The following MTCH2 variants were observed in gnomAD, a reference collection of about 807,000 sequenced individuals.
MTCH2 encodes the protein mitochondrial carrier homolog 2.
Under a neutral mutation model 50.6 loss-of-function variants are expected in MTCH2, and 25 were observed. That is an observed-to-expected ratio of 0.49 (90% CI 0.36 to 0.69). The LOEUF (loss-of-function observed/expected upper bound fraction) is 0.69. Among genes scored for constraint, MTCH2 ranks in the 30% least tolerant of loss-of-function variants. The pLI, the probability that MTCH2 is intolerant of heterozygous loss-of-function variation, is 0.00. For synonymous variants in MTCH2, 106 were observed against 132.0 expected (o/e 0.80, Z 1.35); for missense variants, 273 against 384.4 (o/e 0.71, Z 2.42).
At chr11:47,629,934 A>G (rs1464028535) in intron 8 of MTCH2, among the ~76,000 whole-genome samples, 1 of 152,052 alleles carries the variant, frequency 6.6e-6, no homozygotes, top group Non-Finnish European at 1.5e-5. Flanking sequence ...AATTTTTCTC[A>G]TTTTATTATC....
At chr11:47,620,659 G>T (rs997538358) in intron 12 of MTCH2, among the ~76,000 whole-genome samples, 1 of 152,048 alleles carries the variant, frequency 6.6e-6, no homozygotes, top group African/African-American at 2.4e-5. Context: ...AAAAAATAAA[G>T]AACCAAATAA....
At position 47,642,388 on chromosome 11, in the gene MTCH2, C is replaced by A; in HGVS notation, c.78G>T (p.Val26=). 6.2e-7 allele frequency: 1 copy of A among 1,607,706 alleles called. No homozygotes were observed. The highest frequency in any genetic ancestry group is 8.5e-7 in the Non-Finnish European group (1 of 1,177,434). ...ILSQPLMYVK[V]LIQVGYEPLP... ...CGGCGACGCCTCATACCTGGATGAG[C>A]ACTTTCACGTACATGAGCGGCTGGG... Residue 26 remains valine (V), a synonymous_variant, in exon 1 of 13, where the codon GTG becomes GTT. Transcript: ENST00000302503.
Position 47,617,749 on chromosome 11 carries a change from T to C in MTCH2, c.*1084A>G, listed in dbSNP as rs1258086709. ...ATTTTATTTTCTCCCAAAGTGATTTTTTTCCTCCTATAAATGTTAACATGC... is the reference window on the plus strand; with the variant it reads ...ATTTTATTTTCTCCCAAAGTGATTTCTTTCCTCCTATAAATGTTAACATGC... On this transcript the variant is annotated 3_prime_UTR_variant, in exon 13 of 13. Coordinates refer to ENST00000302503, the MANE Select transcript of MTCH2 (RefSeq NM_014342.4). 1.3e-5 allele frequency: 2 copies of C among 152,330 alleles called. No individual in the cohort carries two copies. Among genetic ancestry groups the C allele is most frequent in the South Asian group, 2.1e-4 (1 of 4,830 alleles). The allele number at this position is 152,330 out of a possible 1,614,324, so 9.4% of individuals were successfully genotyped here.
At chr11:47,616,180 G>A (rs975432595), downstream of MTCH2, among the ~76,000 whole-genome samples, 5 of 151,782 alleles carry the variant, frequency 3.3e-5, no homozygotes, top group African/African-American at 7.3e-5. Context: ...CATGTTGCCC[G>A]GGCTGGTCTT....
intron 3 of MTCH2, among the ~76,000 whole-genome samples, chr11:47,635,894 G>A (rs760412401): frequency 1.3e-5 from 2 of 152,078 alleles, no homozygotes; most frequent in Non-Finnish European, 2.9e-5. Flanking sequence ...TTAGGAGGCC[G>A]AGGTGGGCAG....
chr11:47,630,909 A>G (rs560061060), intron 7 of MTCH2, 127 bp downstream of exon 7: 1 of 850,602 alleles, frequency 1.2e-6, no homozygotes, highest in African/African-American at 1.7e-5. Context: ...TTTTGTGCAG[A>G]TCAAATGACA....
chr11:47,631,732 C>G, intron 5 of MTCH2, 21 bp from the exon 6 acceptor site: 1 of 1,613,504 alleles, frequency 6.2e-7, no homozygotes, highest in East Asian at 2.2e-5. Flanking sequence ...TCAACACACA[C>G]TTCTGAAATC....
rs75521990 is a variant in MTCH2 at position 47,624,589 on chromosome 11, C to A, written c.749+1085G>T. Among the ~76,000 whole-genome samples the A allele has an allele frequency of 4.1e-3, 621 of 151,852 alleles. 2 individuals are homozygous for A. Among genetic ancestry groups the A allele is most frequent in the Non-Finnish European group, 5.8e-3 (393 of 67,940 alleles). ...GCTGAGGAAGGAGAATCACTTGAGCCTAGAAATTTAAGAACAGCCTGGGCA... is the reference window on the plus strand; with the variant it reads ...GCTGAGGAAGGAGAATCACTTGAGCATAGAAATTTAAGAACAGCCTGGGCA... On this transcript the variant is annotated intron_variant, in intron 11 of 12. Transcript: ENST00000302503.
At chr11:47,625,632 ACAGT>A in intron 11 of MTCH2, 38 bp downstream of exon 11, 2 of 1,181,510 alleles carry the variant, frequency 1.7e-6, no homozygotes, top group Middle Eastern at 5.2e-4. Context: ...CTGTCAGCAT[ACAGT>A]CAACCACCTA....
intron 9 of MTCH2, among the ~76,000 whole-genome samples, chr11:47,628,202 G>C (rs2097299803): frequency 6.6e-6 from 1 of 152,164 alleles, no homozygotes; most frequent in Admixed American, 6.6e-5. Context: ...AGATAAGAAA[G>C]ACAACTTCTA....
At chr11:47,627,265 C>T in intron 9 of MTCH2, 138 bp from the exon 10 acceptor site, 1 of 565,934 alleles carries the variant, frequency 1.8e-6, no homozygotes. Flanking sequence ...AGTGCAGTGA[C>T]CTCCTGAAGC....
rs946266542 is a variant in MTCH2, at chr11:47,625,750, T to C, written c.682-9A>G. The C allele has an allele frequency of 2.6e-6, 4 of 1,538,252 alleles. No individual in the cohort carries two copies. In the African/African-American group the frequency reaches 6.0e-5, roughly 23 times the overall value. The stretch of plus-strand genomic sequence containing the variant: ...AACATACTCGCAAAAAACTGTAAAA[T>C]GGAAACAAGGCAGCTGTTATTAGAT... On this transcript the variant is annotated splice_polypyrimidine_tract_variant and intron_variant, in intron 10 of 12. Coordinates refer to ENST00000302503, the MANE Select transcript of MTCH2 (RefSeq NM_014342.4).
In MTCH2 at chr11:47,640,684, G is replaced by A. The variant is rs529223184; in HGVS notation, c.88-1633C>T. On this transcript the variant is annotated intron_variant, in intron 1 of 12. Transcript: ENST00000302503. Reference sequence around the variant, plus strand: ...GCCTGTTTCAGGCTCCCAAAGTGTTGGGATTTACAGGCGTGAGCCACCGTG... The same window carrying A: ...GCCTGTTTCAGGCTCCCAAAGTGTTAGGATTTACAGGCGTGAGCCACCGTG... 1.9e-3 allele frequency among the ~76,000 whole-genome samples: 283 copies of A among 152,220 alleles called. 2 individuals carry two copies. The Middle Eastern group carries it at 0.041, about 22-fold the overall frequency.
intron 11 of MTCH2, among the ~76,000 whole-genome samples, chr11:47,623,369 CTT>C (rs398016007): frequency 3.7e-4 from 45 of 120,116 alleles, no homozygotes; most frequent in African/African-American, 1.3e-3. Flanking sequence ...AAGAACCAGT[CTT>C]TTTTTAAAAA....
rs150128455 is a variant in MTCH2, at chr11:47,639,224, G to C, written c.88-173C>G. ...CATTCTTGTAGGTTTTTCTTCTGTTGGTAATACTGAGTTCAATAAACTCCA... is the reference window on the plus strand; with the variant it reads ...CATTCTTGTAGGTTTTTCTTCTGTTCGTAATACTGAGTTCAATAAACTCCA... On this transcript the variant is annotated intron_variant, in intron 1 of 12. Transcript: ENST00000302503. Among the ~76,000 whole-genome samples, 288 of 152,224 alleles carry C rather than the reference G, an allele frequency of 1.9e-3. 1 individual carries two copies. Among genetic ancestry groups the C allele is most frequent in the Middle Eastern group, 0.014 (4 of 294 alleles).
At chr11:47,616,686 T>C (rs1243196869), downstream of MTCH2, among the ~76,000 whole-genome samples, 1 of 151,374 alleles carries the variant, frequency 6.6e-6, no homozygotes, top group Non-Finnish European at 1.5e-5. Context: ...TTTTTTCTTT[T>C]TTTTTTTTTT....
intron 5 of MTCH2, among the ~76,000 whole-genome samples, chr11:47,632,619 A>G (rs1042551939): frequency 3.3e-5 from 5 of 151,956 alleles, no homozygotes; most frequent in Non-Finnish European, 7.4e-5. Context: ...CGGCCTCCCA[A>G]ACTGCTGGGA....
At chr11:47,638,634 T>C in intron 3 of MTCH2, 65 bp downstream of exon 3, 1 of 1,100,816 alleles carries the variant, frequency 9.1e-7, no homozygotes, top group Non-Finnish European at 1.3e-6. Context: ...TCTTGATATT[T>C]AGAACAAACT....
At chr11:47,641,378 A>C (rs1227328402) in intron 1 of MTCH2, among the ~76,000 whole-genome samples, 2 of 152,198 alleles carry the variant, frequency 1.3e-5, no homozygotes, top group Non-Finnish European at 2.9e-5. Flanking sequence ...GCAAGAAATA[A>C]TTTGGATTCC....
Sources: gnomAD v4.1 joint callset for allele counts (sites outside exome capture counted in the v4.1 genomes callset) on GRCh38, gnomAD v4.1.1 for gene constraint, MANE v1.5 for transcripts, NCBI Gene and HGNC (gene_info 2026-07-23, HGNC 2026-07-21) for gene names.